Variants in TUBA4A observed in about 807,000 individuals in gnomAD.
TUBA4A encodes tubulin alpha-4A chain.
A neutral mutation model predicts 34.3 loss-of-function variants in TUBA4A; 23 were observed. The ratio of observed to expected loss-of-function variants is 0.67; its 90% CI spans 0.48 to 0.95. TUBA4A has a LOEUF of 0.95. Among genes scored for constraint, TUBA4A ranks in the 40% least tolerant of loss-of-function variants. The probability of loss-of-function intolerance (pLI) is 0.00; values close to 1 mark genes in which losing one functional copy is unlikely to be tolerated. For missense variants in TUBA4A, 279 were observed against 599.0 expected, an observed-to-expected ratio of 0.47 and a Z score of 5.58; for synonymous variants, 216 against 230.5, an observed-to-expected ratio of 0.94 and a Z score of 0.57.
upstream of TUBA4A, chr2:219,253,946 T>A: frequency 5.3e-6 from 4 of 754,376 alleles, no homozygotes; most frequent in Non-Finnish European, 7.4e-6. Flanking sequence ...ACCGCCCTTA[T>A]AGGCGGGGGG....
rs1457690763 is a variant in TUBA4A at position 219,251,664 on chromosome 2, G to T, written c.276C>A (p.Leu92=). Residue 92 remains leucine, a synonymous_variant, in exon 3 of 4, where the codon CTC becomes CTA. Coordinates refer to ENST00000248437, the MANE Select transcript of TUBA4A (RefSeq NM_006000.3). This position sits in a 1 kb window ranked among gnomAD's most constrained non-coding sequence, Gnocchi z 6.1. ...TGGCAGCATCCTCTTTCCCAGTGAT[G>T]AGCTGCTCTGGGTGGAAGAGCTGTC... ...PYRQLFHPEQ[L]ITGKEDAANN... 4 of 1,614,118 alleles carry T rather than the reference G, an allele frequency of 2.5e-6. No individual in the cohort carries two copies. Among genetic ancestry groups the T allele is most frequent in the Non-Finnish European group, 3.4e-6 (4 of 1,180,006 alleles).
At chr2:219,253,049 C>A (rs747451375) in intron 1 of TUBA4A, 6 of 1,004,832 alleles carry the variant, frequency 6.0e-6, no homozygotes, top group African/African-American at 1.6e-5. Context: ...CGCCTTGTCC[C>A]GGGCAGGATG....
chr2:219,253,438 C>T (rs1406846479), intron 1 of TUBA4A: 3 of 1,494,768 alleles, frequency 2.0e-6, no homozygotes, highest in East Asian at 2.5e-5. Flanking sequence ...ACCCCTTCCA[C>T]CTTCTAGCGC....
Position 219,252,189 on chromosome 2 carries a change from C to T in TUBA4A, c.45G>A (p.Gln15=), listed in dbSNP as rs1225097559. ...ISVHVGQAGV[Q]MGNACWELYC... ...AGAGCTCCCAGCAGGCATTGCCCAT[C>T]TGGACACCTGCCTGCCCCACGTGGA... Residue 15 remains glutamine, a synonymous_variant, in exon 2 of 4, where the codon CAG becomes CAA. Transcript: ENST00000248437. The surrounding 1 kb of genome is among the most constrained non-coding windows in gnomAD (Gnocchi z 4.1). 7 of 1,614,038 alleles carry T rather than the reference C, an allele frequency of 4.3e-6. No individual in the cohort carries two copies. The Admixed American group carries it at 1.2e-4, about 27-fold the overall frequency.
chr2:219,253,955 G>T (rs1048330997), upstream of TUBA4A: 145 of 1,181,586 alleles, frequency 1.2e-4, 1 homozygote, highest in Non-Finnish European at 1.6e-4. Flanking sequence ...ATAGGCGGGG[G>T]GGGGGCGGGG....
rs1574883472 is a variant in TUBA4A, at chr2:219,250,409, C to T, written c.1290G>A (p.Lys430=). 1 of 1,614,226 alleles carries T rather than the reference C, an allele frequency of 6.2e-7. No individual in the cohort carries two copies. Among genetic ancestry groups the T allele is most frequent in the Non-Finnish European group, 8.5e-7 (1 of 1,180,030 alleles). The change falls in exon 4 of 4, where the codon AAG becomes AAA. Residue 430 remains lysine (K), a synonymous_variant. Transcript: ENST00000248437. This position sits in a 1 kb window ranked among gnomAD's most constrained non-coding sequence, Gnocchi z 8.4. ...EAREDMAALE[K]DYEEVGIDSY... ...AGTCGATGCCCACCTCCTCATAATC[C>T]TTCTCCAGGGCAGCCATATCCTCAC...
Position 219,252,906 on chromosome 2 carries a change from A to G in TUBA4A, c.4-676T>C, listed in dbSNP as rs1263993419. On this transcript the variant is annotated intron_variant, in intron 1 of 3. Transcript: ENST00000248437. The surrounding 1 kb of genome is among the most constrained non-coding windows in gnomAD (Gnocchi z 4.1). The stretch of plus-strand genomic sequence containing the variant: ...CACTGCCTTAGGCTCCGTCCCTGTC[A>G]GCCCGAAATTAACCCCTAAAGCACT... The G allele has an allele frequency of 2.1e-6, 1 of 474,164 alleles. No homozygotes were observed. Among genetic ancestry groups the G allele is most frequent in the African/African-American group, 2.0e-5 (1 of 50,194 alleles). The allele number at this position is 474,164 out of a possible 1,614,324, so 29.4% of individuals were successfully genotyped here. A position where few individuals can be genotyped will look rare whatever the true frequency, so the allele number is the denominator to read the frequency against.
Position 219,252,223 on chromosome 2 carries a change from C to G in TUBA4A, c.11G>C (p.Cys4Ser). 1 of 1,613,578 alleles carries G rather than the reference C, an allele frequency of 6.2e-7. No homozygotes were observed. The highest frequency in any genetic ancestry group is 8.5e-7 in the Non-Finnish European group (1 of 1,179,520). The change falls in exon 2 of 4, where the codon TGC becomes TCC. Residue 4 changes from cysteine (C) to serine (S), a missense_variant. Around this residue, in one of 3 missense-constraint regions of TUBA4A, gnomAD observed 98 missense variants for 171.1 expected, o/e 0.57. Transcript: ENST00000248437. This position sits in a 1 kb window ranked among gnomAD's most constrained non-coding sequence, Gnocchi z 4.1. ...TGCCTGCCCCACGTGGACTGAGATG[C>G]ATTCACGCTGAGGGATAGAGAGAGG... MRE[C>S]ISVHVGQAGV...
At position 219,251,218 on chromosome 2, in the gene TUBA4A, A is replaced by G; in HGVS notation, c.481T>C (p.Tyr161His). The G allele has an allele frequency of 6.2e-7, 1 of 1,614,162 alleles. No homozygotes were observed. The highest frequency in any genetic ancestry group is 8.5e-7 in the Non-Finnish European group (1 of 1,180,048). ...SLLMERLSVDYGKKSKLEFSI... is the reference protein window; with the variant it reads ...SLLMERLSVDHGKKSKLEFSI... ...AATTCCAGCTTGGATTTCTTGCCAT[A>G]GTCAACAGAGAGCCGCTCCATCAGG... The change falls in exon 4 of 4, where the codon TAT becomes CAT. Residue 161 changes from tyrosine to histidine, a missense_variant. By Grantham distance (83) the Tyr-to-His change is moderately conservative. Coordinates refer to ENST00000248437, the MANE Select transcript of TUBA4A (RefSeq NM_006000.3). The surrounding 1 kb of genome is among the most constrained non-coding windows in gnomAD (Gnocchi z 6.1).
rs1464410563 is a variant in TUBA4A, at chr2:219,250,144, T to G, written c.*208A>C. 1 of 746,142 alleles carries G rather than the reference T, an allele frequency of 1.3e-6. No individual in the cohort carries two copies. Among genetic ancestry groups the G allele is most frequent in the African/African-American group, 1.8e-5 (1 of 57,098 alleles). The allele number at this position is 746,142 out of a possible 1,614,324, so 46.2% of individuals were successfully genotyped here. A position where few individuals can be genotyped will look rare whatever the true frequency, so the allele number is the denominator to read the frequency against. On this transcript the variant is annotated 3_prime_UTR_variant, in exon 4 of 4. Transcript: ENST00000248437. This position sits in a 1 kb window ranked among gnomAD's most constrained non-coding sequence, Gnocchi z 8.4. ...AATTTAAAGTCCCTGGGGTTATGCT[T>G]CCTGGGCCTGGCAAGAACCCCTTTG...
chr2:219,254,009 G>A (rs1951694275), upstream of TUBA4A: 2 of 764,036 alleles, frequency 2.6e-6, no homozygotes, highest in Non-Finnish European at 3.8e-6. Flanking sequence ...CGGCCCGCAG[G>A]CCACGCCTCC....
chr2:219,253,076 C>T, intron 1 of TUBA4A: 2 of 1,287,448 alleles, frequency 1.6e-6, no homozygotes, highest in East Asian at 6.4e-5. Flanking sequence ...ATCCTGCAGC[C>T]CAGCCCTACA....
Position 219,251,713 on chromosome 2 carries a change from T to C in TUBA4A, c.227A>G (p.Asp76Gly). ...TCGGTATGGGCCATTTCGGATCTCA[T>C]CTGGAAGGGCAAAAACCACAAAGCT... The part of the protein sequence containing the change: ...VFVDLEPTVI[D>G]EIRNGPYRQL... Residue 76 changes from aspartate (D) to glycine (G), a missense_variant and splice_region_variant, in exon 3 of 4, where the codon GAT becomes GGT. Around this residue, in one of 3 missense-constraint regions of TUBA4A, gnomAD observed 98 missense variants for 171.1 expected, o/e 0.57. Transcript: ENST00000248437. The surrounding 1 kb of genome is among the most constrained non-coding windows in gnomAD (Gnocchi z 6.1). 6.2e-7 allele frequency: 1 copy of C among 1,612,384 alleles called. No homozygotes were observed. The highest frequency in any genetic ancestry group is 2.2e-5 in the East Asian group (1 of 44,830).
rs1266153268 is a variant in TUBA4A at position 219,251,812 on chromosome 2, A to G, written c.227-99T>C. The G allele has an allele frequency of 6.8e-7, 1 of 1,478,980 alleles. No homozygotes were observed. Among genetic ancestry groups the G allele is most frequent in the African/African-American group, 1.4e-5 (1 of 71,900 alleles). The allele number at this position is 1,478,980 out of a possible 1,614,324, so 91.6% of individuals were successfully genotyped here. The stretch of plus-strand genomic sequence containing the variant: ...GCATGGAAGGACTCATCCTCCTGCC[A>G]GCCTGAGATACCAGAGTGTGAGAGA... On this transcript the variant is annotated intron_variant, in intron 2 of 3. Transcript: ENST00000248437. This position sits in a 1 kb window ranked among gnomAD's most constrained non-coding sequence, Gnocchi z 6.1.
At position 219,250,115 on chromosome 2, in the gene TUBA4A, C is replaced by T; in HGVS notation, c.*237G>A. Reference sequence around the variant, plus strand: ...CTCCCTATACTGAGTAACCCTAGGACTTCAATTTAAAGTCCCTGGGGTTAT... The same window carrying T: ...CTCCCTATACTGAGTAACCCTAGGATTTCAATTTAAAGTCCCTGGGGTTAT... On this transcript the variant is annotated 3_prime_UTR_variant, in exon 4 of 4. Coordinates refer to ENST00000248437, the MANE Select transcript of TUBA4A (RefSeq NM_006000.3). This position sits in a 1 kb window ranked among gnomAD's most constrained non-coding sequence, Gnocchi z 8.4. 1 of 607,700 alleles carries T rather than the reference C, an allele frequency of 1.6e-6. No homozygotes were observed. The highest frequency in any genetic ancestry group is 2.9e-6 in the Non-Finnish European group (1 of 348,484). The allele number at this position is 607,700 out of a possible 1,614,324, so 37.6% of individuals were successfully genotyped here. A position where few individuals can be genotyped will look rare whatever the true frequency, so the allele number is the denominator to read the frequency against.
Position 219,250,098 on chromosome 2 carries a change from A to C in TUBA4A, c.*254T>G. ...ATTTTGGTCCTCATTTCCTCCCTAT[A>C]CTGAGTAACCCTAGGACTTCAATTT... is the stretch of plus-strand genomic sequence containing the variant. On this transcript the variant is annotated 3_prime_UTR_variant, in exon 4 of 4. Coordinates refer to ENST00000248437, the MANE Select transcript of TUBA4A (RefSeq NM_006000.3). The surrounding 1 kb of genome is among the most constrained non-coding windows in gnomAD (Gnocchi z 8.4). 9.5e-6 allele frequency: 5 copies of C among 526,020 alleles called. No homozygotes were observed. The highest frequency in any genetic ancestry group is 1.7e-5 in the Non-Finnish European group (5 of 297,094). 32.6% of individuals were successfully genotyped at this position (526,020 alleles called of 1,614,324 possible). A position where few individuals can be genotyped will look rare whatever the true frequency, so the allele number is the denominator to read the frequency against.
At position 219,253,082 on chromosome 2, in the gene TUBA4A, C is replaced by G. The variant is rs1385524898; in HGVS notation, c.3+774G>C. 3 of 1,334,770 alleles carry G rather than the reference C, an allele frequency of 2.2e-6. No individual in the cohort carries two copies. In the East Asian group the frequency reaches 9.3e-5, roughly 41 times the overall value. 82.7% of individuals were successfully genotyped at this position (1,334,770 alleles called of 1,614,324 possible). On this transcript the variant is annotated intron_variant, in intron 1 of 3. Coordinates refer to ENST00000248437, the MANE Select transcript of TUBA4A (RefSeq NM_006000.3). The stretch of plus-strand genomic sequence containing the variant: ...ATGGGCGCCATCCTGCAGCCCAGCC[C>G]TACATCCGCTCTCCCTCTGGAGTCT...
At chr2:219,253,304 G>C in intron 1 of TUBA4A, 1 of 1,518,336 alleles carries the variant, frequency 6.6e-7, no homozygotes, top group South Asian at 1.2e-5. Flanking sequence ...TCAGGAGGCC[G>C]AACCCCGTTC....
Position 219,253,199 on chromosome 2 carries a change from T to TC in TUBA4A, c.3+656dup, listed in dbSNP as rs945551959. On this transcript the variant is annotated intron_variant, in intron 1 of 3. Transcript: ENST00000248437. ...ACCCCCTACATGCACCTCTCTCCCC[T>TC]CCCCCCAACCTGGCCTCGGCCCGCG... The TC allele has an allele frequency of 4.0e-6, 6 of 1,495,436 alleles. No individual in the cohort carries two copies. In the East Asian group the frequency reaches 1.2e-4, roughly 31 times the overall value. The allele number at this position is 1,495,436 out of a possible 1,614,324, so 92.6% of individuals were successfully genotyped here.
Sources: allele counts gnomAD v4.1 joint callset, GRCh38; gene constraint gnomAD v4.1.1; regional missense constraint gnomAD v4.1.1; non-coding constraint Gnocchi (gnomAD v3.1); transcripts MANE v1.5; gene names NCBI Gene and HGNC (gene_info 2026-07-23, HGNC 2026-07-21).